CDYL: variants seen among roughly 807,000 people sequenced by gnomAD.
CDYL encodes chromodomain Y like.
In CDYL, 8 loss-of-function variants were observed where a neutral mutation model predicts 47.3. That is an observed-to-expected ratio of 0.17 (90% CI 0.10 to 0.31). CDYL has a LOEUF of 0.31. CDYL is among the 10% of genes least tolerant of loss of function. CDYL has a pLI of 1.00. For missense variants in CDYL, 471 were observed against 701.4 expected (o/e 0.67, Z 3.71); for synonymous variants, 266 against 265.0 (o/e 1.00, Z -0.04).
chr6:4,874,441 G>A (rs944892288), intron 1 of CDYL, among the ~76,000 whole-genome samples: 1 of 152,112 alleles, frequency 6.6e-6, no homozygotes, highest in African/African-American at 2.4e-5. Flanking sequence ...GCTCCTCATG[G>A]GAAGCTCTGC....
chr6:4,788,166 A>G (rs1050001141), intron 1 of CDYL, among the ~76,000 whole-genome samples: 2 of 151,984 alleles, frequency 1.3e-5, no homozygotes, highest in Non-Finnish European at 2.9e-5. Context: ...CAGGAAAGGG[A>G]CATGACTTGG....
intron 2 of CDYL, among the ~76,000 whole-genome samples, chr6:4,731,606 C>A (rs1757606486): frequency 6.6e-6 from 1 of 152,070 alleles, no homozygotes; most frequent in African/African-American, 2.4e-5. Flanking sequence ...AGACCAGCGC[C>A]TGGCCAACAT....
Position 4,768,788 on chromosome 6 carries a change from A to C in CDYL, c.186+33944A>C, listed in dbSNP as rs1368822648. Among the ~76,000 whole-genome samples, 4 of 152,308 alleles carry C rather than the reference A, an allele frequency of 2.6e-5. No homozygotes were observed. In the East Asian group the frequency reaches 7.7e-4, roughly 29 times the overall value. ...GGAGAACAGTAAGTTTTCAGTGCAG[A>C]AATCTGACAAGCACTGTATTTGCTA... is the stretch of plus-strand genomic sequence containing the variant. On this transcript the variant is annotated intron_variant, in intron 3 of 8. Coordinates refer to the CDYL transcript ENST00000328908.
Position 4,869,015 on chromosome 6 carries a change from A to G in CDYL, c.25-22698A>G, listed in dbSNP as rs146809559. 4.8e-4 allele frequency among the ~76,000 whole-genome samples: 73 copies of G among 151,876 alleles called. 1 individual carries two copies. The East Asian group carries it at 8.9e-3, about 18-fold the overall frequency. The stretch of plus-strand genomic sequence containing the variant: ...TTTCCTATCCTTTTACTTTTTACCA[A>G]GTTCTGTCTTAGAATCTAAAATGTG... On this transcript the variant is annotated intron_variant, in intron 1 of 6. Coordinates refer to ENST00000397588, the MANE Select transcript of CDYL (RefSeq NM_004824.4).
intron 1 of CDYL, among the ~76,000 whole-genome samples, chr6:4,810,586 T>C (rs1245545380): frequency 6.6e-6 from 1 of 152,258 alleles, no homozygotes; most frequent in Non-Finnish European, 1.5e-5. Flanking sequence ...CAGTTTTGAC[T>C]TGCCTGGTGT....
At chr6:4,763,218 T>A (rs1581151087) in intron 3 of CDYL, among the ~76,000 whole-genome samples, 1 of 152,160 alleles carries the variant, frequency 6.6e-6, no homozygotes, top group South Asian at 2.1e-4. Context: ...AATAACTTTT[T>A]AGACAAACTA....
chr6:4,905,826 A>G (rs1416936991), intron 2 of CDYL, among the ~76,000 whole-genome samples: 2 of 152,092 alleles, frequency 1.3e-5, no homozygotes, highest in East Asian at 3.9e-4. Flanking sequence ...TATGGGGTAC[A>G]AGTGCACATT....
At chr6:4,811,651 G>A (rs1158066678) in intron 1 of CDYL, among the ~76,000 whole-genome samples, 1 of 147,620 alleles carries the variant, frequency 6.8e-6, no homozygotes, top group Admixed American at 6.7e-5. Flanking sequence ...TGTCATCCAG[G>A]CCATAATGCA....
At chr6:4,713,067 C>T (rs967942830) in intron 1 of CDYL, among the ~76,000 whole-genome samples, 1 of 152,174 alleles carries the variant, frequency 6.6e-6, no homozygotes, top group African/African-American at 2.4e-5. Context: ...ATCGCTTGAG[C>T]CCAGAAGGTC....
intron 1 of CDYL, among the ~76,000 whole-genome samples, chr6:4,809,099 C>T (rs1264858412): frequency 4.6e-5 from 7 of 152,130 alleles, no homozygotes. Flanking sequence ...TCTTTAGTTT[C>T]TAGTTTGTCT....
intron 2 of CDYL, among the ~76,000 whole-genome samples, chr6:4,893,850 TC>T (rs35460438): frequency 6.6e-6 from 1 of 152,270 alleles, no homozygotes; most frequent in Non-Finnish European, 1.5e-5. Context: ...ATTCTAACCG[TC>T]CTGCTTTGGT....
intron 2 of CDYL, among the ~76,000 whole-genome samples, chr6:4,910,413 A>G (rs774839491): frequency 2.0e-5 from 3 of 152,200 alleles, no homozygotes; most frequent in Non-Finnish European, 4.4e-5. Context: ...AACTCCCTTC[A>G]TACTTTCTGC....
At chr6:4,839,270 GT>G (rs1260829477) in intron 1 of CDYL, among the ~76,000 whole-genome samples, 1 of 151,980 alleles carries the variant, frequency 6.6e-6, no homozygotes, top group Non-Finnish European at 1.5e-5. Flanking sequence ...TGATGTGATT[GT>G]TTTTTTCTTG....
intron 1 of CDYL, among the ~76,000 whole-genome samples, chr6:4,853,124 T>G (rs1182684954): frequency 1.3e-5 from 2 of 152,112 alleles, no homozygotes; most frequent in African/African-American, 2.4e-5. Flanking sequence ...TACTCCCTCA[T>G]TAGTCTTTTC....
At chr6:4,801,157 C>T (rs1759215096) in intron 1 of CDYL, among the ~76,000 whole-genome samples, 1 of 152,146 alleles carries the variant, frequency 6.6e-6, no homozygotes, top group African/African-American at 2.4e-5. Flanking sequence ...GTTGCTTAGC[C>T]AGTCTAATGC....
At chr6:4,878,030 T>G (rs1342949853) in intron 1 of CDYL, among the ~76,000 whole-genome samples, 3 of 152,214 alleles carry the variant, frequency 2.0e-5, no homozygotes, top group Admixed American at 6.5e-5. Flanking sequence ...GAAATATGGC[T>G]TTTCTCTTCT....
Position 4,808,953 on chromosome 6 carries a change from A to G in CDYL, c.24+32146A>G, listed in dbSNP as rs373473365. ...TCATTGTGTGTTTTGGATGTGTGAA[A>G]TATTGATGTGGCTTCCAAGCGTGAG... On this transcript the variant is annotated intron_variant, in intron 1 of 6. Coordinates refer to ENST00000397588, the MANE Select transcript of CDYL (RefSeq NM_004824.4). Among the ~76,000 whole-genome samples the G allele has an allele frequency of 2.6e-5, 4 of 152,272 alleles. No homozygotes were observed. The East Asian group carries it at 7.7e-4, about 29-fold the overall frequency.
intron 1 of CDYL, among the ~76,000 whole-genome samples, chr6:4,777,671 A>G (rs1488567728): frequency 6.6e-6 from 1 of 152,232 alleles, no homozygotes; most frequent in Admixed American, 6.5e-5. Flanking sequence ...AAGACTCTCT[A>G]GACTCACCTT....
intron 1 of CDYL, chr6:4,706,385 T>A (rs1315395592): frequency 2.6e-5 from 4 of 152,178 alleles, no homozygotes; most frequent in African/African-American, 9.7e-5. Flanking sequence ...AGATTCCATT[T>A]GAACAAAGAG....
Sources: allele counts gnomAD v4.1 joint callset (sites outside exome capture counted in the v4.1 genomes callset), GRCh38; gene constraint gnomAD v4.1.1; transcripts MANE v1.5; gene names NCBI Gene and HGNC (gene_info 2026-07-23, HGNC 2026-07-21).